Variants in NR3C1 observed in about 807,000 individuals in gnomAD.
The protein encoded by NR3C1 is nuclear receptor subfamily 3 group C member 1.
In NR3C1, 14 loss-of-function variants were observed where a neutral mutation model predicts 74.0. That is an observed-to-expected ratio of 0.19 (90% CI 0.12 to 0.30). NR3C1 has a LOEUF of 0.30. Ranked by LOEUF, NR3C1 falls within the 10% of genes least tolerant of loss-of-function variation. The pLI, the probability that NR3C1 is intolerant of heterozygous loss-of-function variation, is 1.00. For synonymous variants in NR3C1, 308 were observed against 332.5 expected (o/e 0.93, Z 0.80); for missense variants, 695 against 909.8 (o/e 0.76, Z 3.04).
At chr5:143,306,222 AG>A (rs1819561551) in intron 4 of NR3C1, among the ~76,000 whole-genome samples, 1 of 152,230 alleles carries the variant, frequency 6.6e-6, no homozygotes, top group African/African-American at 2.4e-5. Flanking sequence ...GTATGGGGCA[AG>A]AGTATAAAAA....
chr5:143,349,104 A>AG (rs1554086804), intron 2 of NR3C1, among the ~76,000 whole-genome samples: 1 of 152,130 alleles, frequency 6.6e-6, no homozygotes, highest in African/African-American at 2.4e-5. Flanking sequence ...AGAAAGGATG[A>AG]GGGGGGTCAA....
chr5:143,327,399 G>C (rs1286003058), intron 2 of NR3C1, among the ~76,000 whole-genome samples: 13 of 152,124 alleles, frequency 8.5e-5, no homozygotes, highest in Non-Finnish European at 1.9e-4. Flanking sequence ...TGGGGACACA[G>C]AGCCAAACCA....
intron 2 of NR3C1, among the ~76,000 whole-genome samples, chr5:143,386,323 T>C (rs1275297633): frequency 6.6e-6 from 1 of 152,190 alleles, no homozygotes; most frequent in Non-Finnish European, 1.5e-5. Context: ...GAAAAAAAGT[T>C]GCTATTTGTA....
chr5:143,423,049 G>A (rs1751320117), intron 1 of NR3C1, among the ~76,000 whole-genome samples: 1 of 152,058 alleles, frequency 6.6e-6, no homozygotes, highest in Non-Finnish European at 1.5e-5. Flanking sequence ...TTTTGTATAT[G>A]GCAAGAGATG....
intron 1 of NR3C1, among the ~76,000 whole-genome samples, chr5:143,416,964 A>G (rs1390393306): frequency 1.3e-5 from 2 of 152,174 alleles, no homozygotes; most frequent in Admixed American, 6.5e-5. Flanking sequence ...TTATTAATAC[A>G]TAAATTGCTT....
chr5:143,292,851 T>G (rs1287830810), intron 7 of NR3C1, among the ~76,000 whole-genome samples: 1 of 152,188 alleles, frequency 6.6e-6, no homozygotes, highest in Non-Finnish European at 1.5e-5. Context: ...ATTTGTCTAT[T>G]CTTCTAGATT....
At position 143,295,058 on chromosome 5, in the gene NR3C1, C is replaced by T. The variant is rs1225528328; in HGVS notation, c.2023+402G>A. ...CTTTTCTAGGATGCGCCTTTTTCTC[C>T]CATAATTTCTCATACATGCTAATAC... On this transcript the variant is annotated intron_variant, in intron 7 of 8. Coordinates refer to ENST00000394464, the MANE Select transcript of NR3C1 (RefSeq NM_000176.3). The T allele has an allele frequency of 6.1e-6, 6 of 985,254 alleles. No individual in the cohort carries two copies. The African/African-American group carries it at 1.0e-4, about 17-fold the overall frequency. The allele number at this position is 985,254 out of a possible 1,614,324, so 61.0% of individuals were successfully genotyped here.
rs1003109682 is a variant in NR3C1 at position 143,278,605 on chromosome 5, C to T, written c.*3284G>A. ...ACACACACACACAAAAACACATTCA[C>T]CTACAGCTACAGTCAGGGAGTGACC... On this transcript the variant is annotated 3_prime_UTR_variant, in exon 9 of 9. Transcript: ENST00000394464. The T allele has an allele frequency of 2.6e-5, 4 of 152,292 alleles. No homozygotes were observed. The highest frequency in any genetic ancestry group is 9.6e-5 in the African/African-American group (4 of 41,548). The allele number at this position is 152,292 out of a possible 1,614,324, so 9.4% of individuals were successfully genotyped here.
intron 1 of NR3C1, among the ~76,000 whole-genome samples, chr5:143,418,179 A>G (rs1751013157): frequency 6.6e-6 from 1 of 152,216 alleles, no homozygotes. Context: ...TCAGTTGTCA[A>G]TATTTACCTT....
chr5:143,288,086 G>A (rs1322822241), intron 7 of NR3C1, among the ~76,000 whole-genome samples: 1 of 151,802 alleles, frequency 6.6e-6, no homozygotes, highest in Non-Finnish European at 1.5e-5. Context: ...CTCCTCCAAA[G>A]CTGGAATTCC....
rs573330967 is a variant in NR3C1 at position 143,393,219 on chromosome 5, T to G, written c.1184+6437A>C. On this transcript the variant is annotated intron_variant, in intron 2 of 8. Transcript: ENST00000394464. ...TCTTATAAAAACACCAAATCTGCAT[T>G]CACATCTATTTGTCTTACATTCGAT... Among the ~76,000 whole-genome samples, 6 of 152,306 alleles carry G rather than the reference T, an allele frequency of 3.9e-5. 1 individual carries two copies. Among genetic ancestry groups the G allele is most frequent in the African/African-American group, 1.4e-4 (6 of 41,580 alleles).
intron 2 of NR3C1, among the ~76,000 whole-genome samples, chr5:143,337,298 C>A (rs141146956): frequency 5.9e-5 from 9 of 152,048 alleles, no homozygotes; most frequent in Non-Finnish European, 1.2e-4. Context: ...CAAATTAAAA[C>A]GACAATAAAA....
chr5:143,383,630 C>T (rs998616018), intron 2 of NR3C1, among the ~76,000 whole-genome samples: 1 of 152,132 alleles, frequency 6.6e-6, no homozygotes, highest in Admixed American at 6.5e-5. Context: ...ATAAGTGGCA[C>T]TAAATTGGTC....
chr5:143,429,305 C>T (rs1317521638), intron 1 of NR3C1, among the ~76,000 whole-genome samples: 1 of 152,134 alleles, frequency 6.6e-6, no homozygotes, highest in African/African-American at 2.4e-5. Context: ...AGTAGTCTGA[C>T]CACTGAGCAC....
At chr5:143,407,868 T>C (rs923759886), upstream of NR3C1, among the ~76,000 whole-genome samples, 1 of 152,200 alleles carries the variant, frequency 6.6e-6, no homozygotes, top group Non-Finnish European at 1.5e-5. Flanking sequence ...TAACTCTTGA[T>C]TCTAGTGCTA....
At chr5:143,375,383 C>G (rs1290748716) in intron 2 of NR3C1, among the ~76,000 whole-genome samples, 1 of 152,122 alleles carries the variant, frequency 6.6e-6, no homozygotes, top group Non-Finnish European at 1.5e-5. Flanking sequence ...TACACAGATA[C>G]ACACTGCAAC....
At chr5:143,377,093 CCTT>C (rs1395632020) in intron 2 of NR3C1, among the ~76,000 whole-genome samples, 1 of 152,146 alleles carries the variant, frequency 6.6e-6, no homozygotes, top group African/African-American at 2.4e-5. Context: ...TGATTTCATT[CCTT>C]CAAGTTATGT....
At chr5:143,343,192 G>A (rs1185620770) in intron 2 of NR3C1, among the ~76,000 whole-genome samples, 2 of 152,202 alleles carry the variant, frequency 1.3e-5, no homozygotes, top group Non-Finnish European at 1.5e-5. Context: ...CTAGTGCAAT[G>A]CAGAGCCCAG....
At chr5:143,340,617 G>A (rs558698008) in intron 2 of NR3C1, among the ~76,000 whole-genome samples, 8 of 151,454 alleles carry the variant, frequency 5.3e-5, no homozygotes, top group African/African-American at 1.9e-4. Context: ...CGAGTAGCTG[G>A]GATTACAGGT....
Sources: allele counts gnomAD v4.1 joint callset (sites outside exome capture counted in the v4.1 genomes callset), GRCh38; gene constraint gnomAD v4.1.1; transcripts MANE v1.5; gene names NCBI Gene and HGNC (gene_info 2026-07-23, HGNC 2026-07-21).